Variants in MBOAT2 observed in about 807,000 individuals in gnomAD.
MBOAT2 encodes membrane bound glycerophospholipid O-acyltransferase 2, also known as membrane-bound glycerophospholipid O-acyltransferase 2.
In MBOAT2, 28 loss-of-function variants were observed where a neutral mutation model predicts 63.4. The observed-to-expected ratio is 0.44, with a 90% CI of 0.33 to 0.61. The LOEUF is 0.61. Ranked by LOEUF, MBOAT2 falls within the 20% of genes least tolerant of loss-of-function variation. The pLI is 0.03. For missense variants in MBOAT2, 470 were observed against 605.8 expected (o/e 0.78, Z 2.35); for synonymous variants, 211 against 215.6 (o/e 0.98, Z 0.19).
At chr2:8,950,649 G>A (rs552892420) in intron 2 of MBOAT2, among the ~76,000 whole-genome samples, 6 of 152,118 alleles carry the variant, frequency 3.9e-5, no homozygotes, top group Non-Finnish European at 5.9e-5. Context: ...GGATGGTCTC[G>A]ATCTTCTGAC....
intron 3 of MBOAT2, among the ~76,000 whole-genome samples, chr2:8,942,342 T>C (rs925374895): frequency 1.3e-5 from 2 of 152,236 alleles, no homozygotes; most frequent in Admixed American, 1.3e-4. Context: ...ACCTAGGTCA[T>C]ACATCATAGC....
intron 3 of MBOAT2, among the ~76,000 whole-genome samples, chr2:8,925,954 T>G (rs1412286295): frequency 6.6e-6 from 1 of 152,200 alleles, no homozygotes; most frequent in Non-Finnish European, 1.5e-5. Flanking sequence ...ACTACAATCT[T>G]ACGAAGTAAG....
At chr2:8,996,699 C>T (rs1003250862) in intron 1 of MBOAT2, among the ~76,000 whole-genome samples, 29 of 152,338 alleles carry the variant, frequency 1.9e-4, no homozygotes, top group African/African-American at 7.0e-4. Context: ...TGACCCTCCA[C>T]ATCTAGTGCA....
intron 3 of MBOAT2, among the ~76,000 whole-genome samples, chr2:8,940,334 C>T (rs1400839804): frequency 6.6e-6 from 1 of 152,122 alleles, no homozygotes; most frequent in Non-Finnish European, 1.5e-5. Flanking sequence ...CTCTGTTGCA[C>T]AGGCTGGAGT....
At chr2:8,864,390 TAACA>T (rs1400807441) in intron 9 of MBOAT2, among the ~76,000 whole-genome samples, 156 bp from the exon 10 acceptor site, 116 of 152,310 alleles carry the variant, frequency 7.6e-4, no homozygotes, top group African/African-American at 2.7e-3. Context: ...TCTAATGTGG[TAACA>T]TCATTCTACG....
chr2:8,968,755 G>A (rs1360225259), intron 1 of MBOAT2, among the ~76,000 whole-genome samples: 2 of 152,214 alleles, frequency 1.3e-5, no homozygotes, highest in Non-Finnish European at 2.9e-5. Flanking sequence ...TAGCCAATTC[G>A]AACAACTGGA....
At chr2:8,958,758 A>G in intron 1 of MBOAT2, 116 bp from the exon 2 acceptor site, 1 of 1,111,496 alleles carries the variant, frequency 9.0e-7, no homozygotes, top group South Asian at 2.0e-5. Context: ...TGACCTTCCA[A>G]GTTAACAAAA....
chr2:8,925,696 C>A (rs1666884772), intron 3 of MBOAT2, among the ~76,000 whole-genome samples: 1 of 152,220 alleles, frequency 6.6e-6, no homozygotes, highest in Admixed American at 6.5e-5. Context: ...GAACAAGACT[C>A]ACAGTCCCCA....
At chr2:8,916,190 T>C (rs1424707689) in intron 3 of MBOAT2, among the ~76,000 whole-genome samples, 3 of 152,230 alleles carry the variant, frequency 2.0e-5, no homozygotes, top group Non-Finnish European at 4.4e-5. Flanking sequence ...TCATCAACAC[T>C]GAGCTGTTGA....
chr2:8,989,967 G>A (rs1348954102), intron 1 of MBOAT2, among the ~76,000 whole-genome samples: 1 of 152,186 alleles, frequency 6.6e-6, no homozygotes, highest in African/African-American at 2.4e-5. Flanking sequence ...AACTCACACA[G>A]CTTGTAAGGG....
intron 1 of MBOAT2, 93 bp from the exon 2 acceptor site, chr2:8,958,735 G>T: frequency 2.4e-6 from 3 of 1,250,074 alleles, no homozygotes; most frequent in Non-Finnish European, 3.2e-6. Flanking sequence ...AAACACCAAG[G>T]TTACACAAAA....
intron 4 of MBOAT2, among the ~76,000 whole-genome samples, chr2:8,893,535 G>A (rs1057051540): frequency 1.3e-5 from 2 of 152,202 alleles, no homozygotes; most frequent in African/African-American, 4.8e-5. Flanking sequence ...TGTTTAATAG[G>A]AGCTGGGTCC....
intron 1 of MBOAT2, among the ~76,000 whole-genome samples, chr2:9,002,980 T>C (rs1282012617): frequency 6.6e-6 from 1 of 152,146 alleles, no homozygotes; most frequent in Non-Finnish European, 1.5e-5. Context: ...CAACGCAAAC[T>C]GTCCCCAAAG....
chr2:8,874,532 T>C (rs2148526658), intron 7 of MBOAT2, among the ~76,000 whole-genome samples: 1 of 152,314 alleles, frequency 6.6e-6, no homozygotes. Context: ...CGAGACTATA[T>C]GGTTCTGAAG....
chr2:8,987,103 T>C (rs1458705938), intron 1 of MBOAT2, among the ~76,000 whole-genome samples: 1 of 152,214 alleles, frequency 6.6e-6, no homozygotes, highest in Non-Finnish European at 1.5e-5. Flanking sequence ...TCACCAGCTG[T>C]GACAAATGAC....
chr2:8,996,884 C>G (rs570358531), intron 1 of MBOAT2, among the ~76,000 whole-genome samples: 1 of 152,288 alleles, frequency 6.6e-6, no homozygotes, highest in Admixed American at 6.5e-5. Context: ...AGAACAATGC[C>G]AAATCCAAAA....
At position 8,989,800 on chromosome 2, in the gene MBOAT2, A is replaced by C. The variant is rs1671801274; in HGVS notation, c.75+13740T>G. ...ACTGGCTGCCCTAACAAAGGGAACA[A>C]GCGCTGCACCAGAAGAAGTGTTCAA... On this transcript the variant is annotated intron_variant, in intron 1 of 12. Transcript: ENST00000305997. Among the ~76,000 whole-genome samples the C allele has an allele frequency of 7.2e-5, 11 of 152,254 alleles. 1 individual carries two copies. The highest frequency in any genetic ancestry group is 7.2e-4 in the Admixed American group (11 of 15,288).
At position 8,877,102 on chromosome 2, in the gene MBOAT2, T is replaced by C; in HGVS notation, c.618A>G (p.Ser206=). The part of the protein sequence containing the change: ...KDYITFIEGR[S]YHITQSGENG... ...TTTCACCAGATTGTGTGATATGGTA[T>C]GATCTGCCTTCAATGAAAGTAATGT... Residue 206 remains serine (S), a synonymous_variant, in exon 7 of 13, where the codon TCA becomes TCG. Coordinates refer to ENST00000305997, the MANE Select transcript of MBOAT2 (RefSeq NM_138799.4). 6.2e-7 allele frequency: 1 copy of C among 1,614,164 alleles called. No individual in the cohort carries two copies. The highest frequency in any genetic ancestry group is 2.2e-5 in the East Asian group (1 of 44,880).
chr2:9,001,156 T>C (rs747063998), intron 1 of MBOAT2, among the ~76,000 whole-genome samples: 3 of 152,120 alleles, frequency 2.0e-5, no homozygotes, highest in Non-Finnish European at 4.4e-5. Flanking sequence ...TTCTGGAATA[T>C]TTCCTGAAGG....
Sources: allele counts gnomAD v4.1 joint callset (sites outside exome capture counted in the v4.1 genomes callset), GRCh38; gene constraint gnomAD v4.1.1; transcripts MANE v1.5; gene names NCBI Gene and HGNC (gene_info 2026-07-23, HGNC 2026-07-21).